Variants in IGSF21 observed in about 807,000 individuals in gnomAD.
IGSF21 encodes the protein immunoglobin superfamily member 21.
A neutral mutation model predicts 46.8 loss-of-function variants in IGSF21; 28 were observed. The observed-to-expected ratio is 0.60, with a 90% CI of 0.44 to 0.82. The LOEUF (loss-of-function observed/expected upper bound fraction) is 0.82, where lower values mean the gene tolerates loss of function less well. Among genes scored for constraint, IGSF21 ranks in the 40% least tolerant of loss-of-function variants. The pLI is 0.00. For synonymous variants in IGSF21, 284 were observed against 273.6 expected, an observed-to-expected ratio of 1.04 and a Z score of -0.38; for missense variants, 624 against 665.5, an observed-to-expected ratio of 0.94 and a Z score of 0.69.
chr1:18,329,138 T>C (rs2085686424), intron 3 of IGSF21, among the ~76,000 whole-genome samples: 1 of 152,118 alleles, frequency 6.6e-6, no homozygotes, highest in Non-Finnish European at 1.5e-5. Flanking sequence ...TAAAGGAAGA[T>C]CTGGGGGCAG....
At chr1:18,171,136 A>G (rs1326457512) in intron 1 of IGSF21, among the ~76,000 whole-genome samples, 1 of 151,702 alleles carries the variant, frequency 6.6e-6, no homozygotes, top group Non-Finnish European at 1.5e-5. Flanking sequence ...TGCTGGCCTC[A>G]CTCTCATGCC....
At chr1:18,135,353 T>A (rs2086358905) in intron 1 of IGSF21, among the ~76,000 whole-genome samples, 3 of 152,284 alleles carry the variant, frequency 2.0e-5, no homozygotes, top group Admixed American at 2.0e-4. Flanking sequence ...GCTGGTGCGC[T>A]GCACCCACTA....
intron 3 of IGSF21, among the ~76,000 whole-genome samples, chr1:18,307,413 C>A (rs189316569): frequency 6.6e-6 from 1 of 152,322 alleles, no homozygotes; most frequent in African/African-American, 2.4e-5. Flanking sequence ...GCTCTAAGAA[C>A]TTTACACACA....
intron 1 of IGSF21, among the ~76,000 whole-genome samples, chr1:18,131,418 C>T (rs1335537101): frequency 6.6e-6 from 1 of 152,152 alleles, no homozygotes; most frequent in Non-Finnish European, 1.5e-5. Flanking sequence ...TGGCCCACCG[C>T]CTACAAGCTG....
At chr1:18,193,044 C>T (rs1327079243) in intron 1 of IGSF21, among the ~76,000 whole-genome samples, 1 of 151,826 alleles carries the variant, frequency 6.6e-6, no homozygotes, top group Non-Finnish European at 1.5e-5. Flanking sequence ...GAGACAAGCA[C>T]ACCAAGTTCA....
chr1:18,340,994 C>T (rs892985479), intron 4 of IGSF21, among the ~76,000 whole-genome samples: 23 of 105,674 alleles, frequency 2.2e-4, no homozygotes, highest in African/African-American at 8.8e-4. Context: ...CCTTCTTCTT[C>T]TCCTCCTCCT....
At position 18,362,178 on chromosome 1, in the gene IGSF21, C is replaced by G; in HGVS notation, c.488C>G (p.Ala163Gly). Reference protein sequence around the residue: ...DTPAPFSRYQAQNFTLVCIVS... With the variant: ...DTPAPFSRYQGQNFTLVCIVS... ...CCAGCCCCCTTCAGCCGCTACCAAG[C>G]CCAGAACTTCACGCTGGTCTGCATC... Residue 163 changes from alanine (A) to glycine (G), a missense_variant, in exon 5 of 10, where the codon GCC becomes GGC. Ala to Gly is a moderately conservative substitution (Grantham distance 60). Transcript: ENST00000251296. 1 of 1,613,388 alleles carries G rather than the reference C, an allele frequency of 6.2e-7. No individual in the cohort carries two copies. Among genetic ancestry groups the G allele is most frequent in the South Asian group, 1.1e-5 (1 of 90,714 alleles).
At chr1:18,212,534 A>G (rs775775438) in intron 1 of IGSF21, among the ~76,000 whole-genome samples, 5 of 152,212 alleles carry the variant, frequency 3.3e-5, no homozygotes, top group Non-Finnish European at 7.3e-5. Context: ...AGGCCCAGAG[A>G]GGAGTAGGGA....
At chr1:18,241,215 G>A (rs1290905432) in intron 2 of IGSF21, among the ~76,000 whole-genome samples, 1 of 152,178 alleles carries the variant, frequency 6.6e-6, no homozygotes, top group African/African-American at 2.4e-5. Context: ...CTCTGTCCAT[G>A]CCACACTGCT....
At chr1:18,122,916 C>T (rs147917071) in intron 1 of IGSF21, among the ~76,000 whole-genome samples, 1,588 of 151,790 alleles carry the variant, frequency 0.01, 29 homozygotes, top group African/African-American at 0.036. Context: ...CATGAGCCAC[C>T]GCACCCAGCC....
At chr1:18,203,211 C>T (rs937896474) in intron 1 of IGSF21, among the ~76,000 whole-genome samples, 12 of 152,236 alleles carry the variant, frequency 7.9e-5, no homozygotes, top group Non-Finnish European at 1.8e-4. Context: ...TGGGGAAAGG[C>T]TCCAGGGATG....
At chr1:18,351,754 C>A (rs12734514) in intron 4 of IGSF21, among the ~76,000 whole-genome samples, 5,178 of 152,324 alleles carry the variant, frequency 0.034, 91 homozygotes, top group South Asian at 0.065. Flanking sequence ...AAACATCCCC[C>A]AAATTGGCTA....
chr1:18,303,532 C>T (rs2085382228), intron 3 of IGSF21, among the ~76,000 whole-genome samples: 1 of 152,164 alleles, frequency 6.6e-6, no homozygotes, highest in Non-Finnish European at 1.5e-5. Context: ...CAGAATCAGC[C>T]ATCAGGAATT....
intron 1 of IGSF21, among the ~76,000 whole-genome samples, chr1:18,197,117 C>A (rs972520817): frequency 1.3e-5 from 2 of 152,228 alleles, no homozygotes; most frequent in African/African-American, 4.8e-5. Context: ...AGGTGACGTG[C>A]TCAGAGCATA....
At chr1:18,241,666 G>A (rs2084729529) in intron 2 of IGSF21, among the ~76,000 whole-genome samples, 1 of 152,162 alleles carries the variant, frequency 6.6e-6, no homozygotes, top group Non-Finnish European at 1.5e-5. Context: ...CCTGTGGCAG[G>A]TAAGACAAGC....
At chr1:18,359,383 A>AAAGAAAGAAAGGAAGGAAGG (rs1557659626) in intron 4 of IGSF21, among the ~76,000 whole-genome samples, 7 of 61,094 alleles carry the variant, frequency 1.1e-4, no homozygotes, top group Admixed American at 3.7e-4. Flanking sequence ...AGAAAGAAAG[A>AAAGAAAGAAAGGAAGGAAGG]AAGGAAGGAA....
chr1:18,245,558 T>A (rs1338286618), intron 2 of IGSF21, among the ~76,000 whole-genome samples: 2 of 152,242 alleles, frequency 1.3e-5, no homozygotes, highest in East Asian at 3.8e-4. Context: ...ATGAATTCAT[T>A]TTTTTTCTCT....
rs182501101 is a variant in IGSF21, at chr1:18,348,965, A to G, written c.425-13150A>G. On this transcript the variant is annotated intron_variant, in intron 4 of 9. Transcript: ENST00000251296. The stretch of plus-strand genomic sequence containing the variant: ...TGAAAACCAACTCTGAGGCAGGAAG[A>G]CTTCACTCACTCCCTAGGAGCAATA... Among the ~76,000 whole-genome samples the G allele has an allele frequency of 3.3e-5, 5 of 152,342 alleles. No individual in the cohort carries two copies. The East Asian group carries it at 5.8e-4, about 18-fold the overall frequency.
At chr1:18,228,139 A>T (rs2084588202) in intron 2 of IGSF21, 129 bp downstream of exon 2, 1 of 682,460 alleles carries the variant, frequency 1.5e-6, no homozygotes, top group Admixed American at 2.2e-5. Flanking sequence ...TGTCCTGGGC[A>T]TCTGCTGGGT....
Sources: gnomAD v4.1 joint callset for allele counts (sites outside exome capture counted in the v4.1 genomes callset) on GRCh38, gnomAD v4.1.1 for gene constraint, MANE v1.5 for transcripts, NCBI Gene and HGNC (gene_info 2026-07-23, HGNC 2026-07-21) for gene names.